MYCBP2: variants seen among roughly 807,000 people sequenced by gnomAD.
The protein encoded by MYCBP2 is MYC binding protein 2.
Under a neutral mutation model 525.3 loss-of-function variants are expected in MYCBP2, and 120 were observed. That is an observed-to-expected ratio of 0.23 (90% CI 0.20 to 0.27). The LOEUF (loss-of-function observed/expected upper bound fraction) is 0.27, where lower values mean the gene tolerates loss of function less well. Ranked by LOEUF, MYCBP2 falls within the 10% of genes least tolerant of loss-of-function variation. MYCBP2 has a pLI of 1.00. For synonymous variants in MYCBP2, 1,894 were observed against 1,955.8 expected (o/e 0.97, Z 0.83); for missense variants, 4,149 against 5,657.1 (o/e 0.73, Z 8.55).
In MYCBP2 at chr13:77,081,782, C is replaced by G. The variant is rs1461889007; in HGVS notation, c.11193+55G>C. 1 of 1,569,162 alleles carries G rather than the reference C, an allele frequency of 6.4e-7. No homozygotes were observed. The highest frequency in any genetic ancestry group is 8.6e-7 in the Non-Finnish European group (1 of 1,157,000). On this transcript the variant is annotated intron_variant, in intron 64 of 82. Coordinates refer to ENST00000544440, the MANE Select transcript of MYCBP2 (RefSeq NM_015057.5). The surrounding 1 kb of genome is among the most constrained non-coding windows in gnomAD (Gnocchi z 4.6). The stretch of plus-strand genomic sequence containing the variant: ...GATTATGAATAACTTACAGTTTCTC[C>G]TTTGATGTATTATTAACTAACAGGA...
At chr13:77,159,129 T>C (rs1157534883) in intron 44 of MYCBP2, among the ~76,000 whole-genome samples, 5 of 152,236 alleles carry the variant, frequency 3.3e-5, no homozygotes, top group South Asian at 2.1e-4. Flanking sequence ...TGGAATCAAA[T>C]AGACTTAAAT....
At chr13:77,099,560 A>C (rs2046751728) in intron 55 of MYCBP2, 1 of 164,356 alleles carries the variant, frequency 6.1e-6, no homozygotes, top group Non-Finnish European at 1.3e-5. Context: ...CTTAAGAGGC[A>C]CTCTGTTTTA....
intron 52 of MYCBP2, among the ~76,000 whole-genome samples, chr13:77,135,312 G>A (rs1250043814): frequency 1.3e-5 from 2 of 152,180 alleles, no homozygotes; most frequent in African/African-American, 4.8e-5. Context: ...TAAACGAACT[G>A]AAGTAAGAAG....
chr13:77,290,792 G>C (rs1384011851), intron 2 of MYCBP2, among the ~76,000 whole-genome samples: 1 of 152,152 alleles, frequency 6.6e-6, no homozygotes, highest in Non-Finnish European at 1.5e-5. Context: ...ACTGTGGTAA[G>C]AGTCACATGG....
intron 46 of MYCBP2, among the ~76,000 whole-genome samples, chr13:77,155,581 T>C (rs2057111207): frequency 6.6e-6 from 1 of 152,152 alleles, no homozygotes; most frequent in Non-Finnish European, 1.5e-5. Context: ...ATCAATATGG[T>C]ATACAACTAT....
At chr13:77,273,724 G>C in intron 4 of MYCBP2, 56 bp from the exon 5 acceptor site, 1 of 1,229,886 alleles carries the variant, frequency 8.1e-7, no homozygotes, top group Non-Finnish European at 1.1e-6. Context: ...CATTATATGC[G>C]TATATTTATT....
At chr13:77,181,304 G>C (rs1438108128) in intron 33 of MYCBP2, among the ~76,000 whole-genome samples, 4 of 152,048 alleles carry the variant, frequency 2.6e-5, no homozygotes, top group Non-Finnish European at 4.4e-5. Flanking sequence ...GTGTTATTAA[G>C]TAGATATTTT....
At chr13:77,220,875 G>T (rs192103944) in intron 20 of MYCBP2, among the ~76,000 whole-genome samples, 1 of 152,234 alleles carries the variant, frequency 6.6e-6, no homozygotes, top group Admixed American at 6.5e-5. Context: ...ACAGTATATA[G>T]GTATGACTAC....
rs939294399 is a variant in MYCBP2, at chr13:77,064,580, A to C, written c.12672+35T>G. 3.2e-6 allele frequency: 5 copies of C among 1,559,642 alleles called. No individual in the cohort carries two copies. In the African/African-American group the frequency reaches 4.1e-5, roughly 13 times the overall value. On this transcript the variant is annotated intron_variant, in intron 73 of 82. Transcript: ENST00000544440. ...AAAAGAACACGCAATGATACACACC[A>C]AATTTAAAACAAAACAAAACAAAGC...
intron 82 of MYCBP2, among the ~76,000 whole-genome samples, chr13:77,049,614 A>C (rs1409861261): frequency 6.6e-6 from 1 of 152,154 alleles, no homozygotes. Context: ...CCTCTTACAA[A>C]AGGCAGCATA....
At chr13:77,191,032 T>C (rs1410584154) in intron 28 of MYCBP2, among the ~76,000 whole-genome samples, 2 of 152,160 alleles carry the variant, frequency 1.3e-5, no homozygotes, top group African/African-American at 2.4e-5. Context: ...TATTGAAATG[T>C]TGGATTTAGA....
intron 21 of MYCBP2, among the ~76,000 whole-genome samples, 193 bp from the exon 22 acceptor site, chr13:77,212,353 A>G (rs2064134423): frequency 6.6e-6 from 1 of 152,206 alleles, no homozygotes; most frequent in Non-Finnish European, 1.5e-5. Context: ...AATAATTTCT[A>G]TTATTCCTGG....
At chr13:77,185,776 G>T in intron 31 of MYCBP2, 95 bp downstream of exon 31, 1 of 901,938 alleles carries the variant, frequency 1.1e-6, no homozygotes, top group Non-Finnish European at 1.6e-6. Flanking sequence ...CTTAAATGCA[G>T]CTGGGGGGCA....
chr13:77,068,012 T>A, intron 70 of MYCBP2, 148 bp from the exon 71 acceptor site: 1 of 732,878 alleles, frequency 1.4e-6, no homozygotes, highest in Non-Finnish European at 2.2e-6. Flanking sequence ...ACTGCAGCCT[T>A]GAACTCCTAG....
At chr13:77,301,359 C>T (rs1008356522) in intron 1 of MYCBP2, among the ~76,000 whole-genome samples, 5 of 138,372 alleles carry the variant, frequency 3.6e-5, no homozygotes, top group African/African-American at 1.4e-4. Flanking sequence ...GAGGTTGTGA[C>T]GAGCCAAGAG....
rs755183906 is a variant in MYCBP2 at position 77,139,207 on chromosome 13, C to T, written c.7648G>A (p.Val2550Ile). ...CACCTTTTACTTACGTCAACAGGGA[C>T]CAGAAGACTCTTGCCAAGATGTTGA... The part of the protein sequence containing the change: ...FNQHLGKSLL[V>I]PVDESKTNTD... The change falls in exon 52 of 83, where the codon GTC becomes ATC. Residue 2550 changes from valine to isoleucine, a missense_variant. Around this residue, in one of 21 missense-constraint regions of MYCBP2, gnomAD observed 692 missense variants for 852.7 expected, o/e 0.81. Transcript: ENST00000544440. 52 of 1,613,238 alleles carry T rather than the reference C, an allele frequency of 3.2e-5. No individual in the cohort carries two copies. Among genetic ancestry groups the T allele is most frequent in the Non-Finnish European group, 4.0e-5 (47 of 1,179,518 alleles).
intron 55 of MYCBP2, among the ~76,000 whole-genome samples, chr13:77,113,728 C>A (rs2049242051): frequency 6.6e-6 from 1 of 152,092 alleles, no homozygotes; most frequent in Non-Finnish European, 1.5e-5. Context: ...AAACAAAATA[C>A]CTGGGTCAAA....
rs2040437184 is a variant in MYCBP2 at position 77,067,673 on chromosome 13, T to C, written c.12363A>G (p.Leu4121=). ...CAGTGATGGTGGTTCCTTTGGCTTTTAGCTGTACAGTGAGTGCTTTGGCAA... is the reference window on the plus strand; with the variant it reads ...CAGTGATGGTGGTTCCTTTGGCTTTCAGCTGTACAGTGAGTGCTTTGGCAA... The part of the protein sequence containing the change: ...GCIAKALTVQ[L]KAKGTTITGT... The change falls in exon 71 of 83, where the codon CTA becomes CTG. Residue 4121 remains leucine, a synonymous_variant. Transcript: ENST00000544440. 6 of 1,614,214 alleles carry C rather than the reference T, an allele frequency of 3.7e-6. No individual in the cohort carries two copies. The highest frequency in any genetic ancestry group is 2.2e-5 in the East Asian group (1 of 44,878).
chr13:77,237,700 C>CA (rs1270871281), intron 17 of MYCBP2, among the ~76,000 whole-genome samples: 14 of 151,884 alleles, frequency 9.2e-5, no homozygotes, highest in Non-Finnish European at 1.6e-4. Context: ...AAACAGGACA[C>CA]CAATATCTAT....
Sources: allele counts gnomAD v4.1 joint callset (sites outside exome capture counted in the v4.1 genomes callset), GRCh38; gene constraint gnomAD v4.1.1; regional missense constraint gnomAD v4.1.1; non-coding constraint Gnocchi (gnomAD v3.1); transcripts MANE v1.5; gene names NCBI Gene and HGNC (gene_info 2026-07-23, HGNC 2026-07-21).